The following HIVEP3 variants were observed in gnomAD, a reference collection of about 807,000 sequenced individuals.
HIVEP3 encodes HIVEP zinc finger 3.
In HIVEP3, 49 loss-of-function variants were observed where a neutral mutation model predicts 152.8. That is an observed-to-expected ratio of 0.32 (90% CI 0.26 to 0.41). The LOEUF is 0.41. Ranked by LOEUF, HIVEP3 falls within the 10% of genes least tolerant of loss-of-function variation. The pLI is 1.00. For missense variants in HIVEP3, 2,790 were observed against 3,103.3 expected (o/e 0.90, Z 2.40); for synonymous variants, 1,269 against 1,289.0 (o/e 0.98, Z 0.33).
chr1:41,942,399 T>C (rs7515635), intron 1 of HIVEP3, among the ~76,000 whole-genome samples: 71,153 of 152,066 alleles, frequency 0.47, 17,356 homozygotes, highest in East Asian at 0.71. Flanking sequence ...GGATGCAAAT[T>C]AGAACTACAC....
In HIVEP3 at chr1:41,583,792, C is replaced by T. The variant is rs138035647; in HGVS notation, c.1006G>A (p.Glu336Lys). The T allele has an allele frequency of 4.6e-4, 728 of 1,591,740 alleles. No individual in the cohort carries two copies. Among genetic ancestry groups the T allele is most frequent in the Non-Finnish European group, 5.6e-4 (658 of 1,168,406 alleles). The part of the protein sequence containing the change: ...LSQSSTAQSL[E>K]DPPPFVEPSS... Reference sequence around the variant, plus strand: ...GGTTCCACAAATGGAGGGGGGTCTTCGAGTGACTGGGCTGTGCTGGACTGG... The same window carrying T: ...GGTTCCACAAATGGAGGGGGGTCTTTGAGTGACTGGGCTGTGCTGGACTGG... Residue 336 changes from glutamate to lysine, a missense_variant, in exon 4 of 9, where the codon GAA becomes AAA. By Grantham distance (56) the Glu-to-Lys change is moderately conservative. Coordinates refer to ENST00000372583, the MANE Select transcript of HIVEP3 (RefSeq NM_024503.5). This position sits in a 1 kb window ranked among gnomAD's most constrained non-coding sequence, Gnocchi z 6.9.
intron 1 of HIVEP3, among the ~76,000 whole-genome samples, chr1:41,844,624 A>C (rs1396180354): frequency 6.6e-6 from 1 of 152,190 alleles, no homozygotes; most frequent in Non-Finnish European, 1.5e-5. Context: ...AGGCTGAATA[A>C]TGTGCTCAAT....
intron 1 of HIVEP3, among the ~76,000 whole-genome samples, chr1:41,755,498 T>C (rs554304054): frequency 4.5e-4 from 68 of 152,094 alleles, no homozygotes; most frequent in African/African-American, 1.6e-3. Context: ...TAAGACCCTG[T>C]TAAGAGAATG....
At chr1:42,008,966 G>T (rs185590205) in intron 1 of HIVEP3, among the ~76,000 whole-genome samples, 30 of 152,284 alleles carry the variant, frequency 2.0e-4, no homozygotes, top group Middle Eastern at 6.8e-3. Flanking sequence ...TGTTATTTCT[G>T]ACTGTGGTTC....
At chr1:41,605,223 GAAGA>G (rs1402087511) in intron 3 of HIVEP3, among the ~76,000 whole-genome samples, 1 of 151,010 alleles carries the variant, frequency 6.6e-6, no homozygotes, top group African/African-American at 2.4e-5. Context: ...GGAAAGGAAG[GAAGA>G]AAGAAAAGAA....
chr1:41,682,996 C>T (rs1646063832), intron 2 of HIVEP3, among the ~76,000 whole-genome samples: 1 of 152,166 alleles, frequency 6.6e-6, no homozygotes, highest in African/African-American at 2.4e-5. Flanking sequence ...TAAACTGGGT[C>T]TTAAATGAGA....
At chr1:41,832,048 G>C (rs1052170749) in intron 1 of HIVEP3, among the ~76,000 whole-genome samples, 1 of 152,166 alleles carries the variant, frequency 6.6e-6, no homozygotes, top group African/African-American at 2.4e-5. Flanking sequence ...TTAAAATTCA[G>C]ATTCTGAATC....
At chr1:41,623,545 G>C (rs962612170) in intron 3 of HIVEP3, among the ~76,000 whole-genome samples, 5 of 152,186 alleles carry the variant, frequency 3.3e-5, no homozygotes, top group African/African-American at 1.2e-4. Flanking sequence ...ATCCCCTTGA[G>C]GCTTCTCTAG....
intron 3 of HIVEP3, among the ~76,000 whole-genome samples, chr1:41,586,984 A>G (rs1168143644): frequency 6.6e-6 from 1 of 152,140 alleles, no homozygotes; most frequent in Non-Finnish European, 1.5e-5. Flanking sequence ...TGCTATACCA[A>G]TAATAAGGAC....
chr1:41,545,261 CACT>C (rs1252829523), intron 5 of HIVEP3, among the ~76,000 whole-genome samples: 2 of 144,830 alleles, frequency 1.4e-5, no homozygotes. Flanking sequence ...CCACTACCAC[CACT>C]ACCACCACCA....
chr1:41,996,383 C>G (rs1645395919), intron 1 of HIVEP3, among the ~76,000 whole-genome samples: 1 of 125,166 alleles, frequency 8.0e-6, no homozygotes. Context: ...GAGCAAGAAC[C>G]TATCTCAAAA....
chr1:41,721,807 A>G (rs710243), intron 1 of HIVEP3, among the ~76,000 whole-genome samples: 78,323 of 152,052 alleles, frequency 0.52, 23,028 homozygotes, highest in African/African-American at 0.8. Context: ...CCAGGCAGGC[A>G]GCTCCAGAAT....
chr1:41,705,182 G>A (rs1049832715), intron 1 of HIVEP3, among the ~76,000 whole-genome samples: 9 of 152,194 alleles, frequency 5.9e-5, no homozygotes, highest in African/African-American at 2.2e-4. Context: ...GCTCACTCAC[G>A]GAGCCTGGAT....
intron 1 of HIVEP3, among the ~76,000 whole-genome samples, chr1:41,888,492 A>AG (rs935566903): frequency 3.3e-5 from 5 of 151,870 alleles, no homozygotes; most frequent in Non-Finnish European, 5.9e-5. Flanking sequence ...GAGAGAAGAG[A>AG]GGGACAGCCC....
chr1:41,615,635 T>C (rs768854766), intron 3 of HIVEP3, among the ~76,000 whole-genome samples: 1 of 152,092 alleles, frequency 6.6e-6, no homozygotes, highest in Non-Finnish European at 1.5e-5. Flanking sequence ...GAAAAGACTG[T>C]GGGCAGAGAG....
intron 1 of HIVEP3, among the ~76,000 whole-genome samples, chr1:41,792,835 A>C (rs1649777840): frequency 6.6e-6 from 1 of 152,250 alleles, no homozygotes; most frequent in Non-Finnish European, 1.5e-5. Flanking sequence ...CCAGAACCAT[A>C]GCCAGAAATG....
intron 1 of HIVEP3, among the ~76,000 whole-genome samples, chr1:41,983,582 C>T (rs1645306043): frequency 6.6e-6 from 1 of 151,986 alleles, no homozygotes; most frequent in African/African-American, 2.4e-5. Flanking sequence ...AATAAAGGTG[C>T]AGCTGGGTGG....
chr1:41,566,957 T>C (rs924543704), intron 5 of HIVEP3, among the ~76,000 whole-genome samples: 1 of 152,130 alleles, frequency 6.6e-6, no homozygotes, highest in African/African-American at 2.4e-5. Context: ...ATTGCATCTA[T>C]ACACTGACAA....
At chr1:41,877,596 A>G (rs1644191375) in intron 1 of HIVEP3, among the ~76,000 whole-genome samples, 3 of 152,192 alleles carry the variant, frequency 2.0e-5, no homozygotes, top group African/African-American at 7.2e-5. Flanking sequence ...ACACCCCCCA[A>G]CAATATCTCA....
Sources: allele counts gnomAD v4.1 joint callset (sites outside exome capture counted in the v4.1 genomes callset), GRCh38; gene constraint gnomAD v4.1.1; non-coding constraint Gnocchi (gnomAD v3.1); transcripts MANE v1.5; gene names NCBI Gene and HGNC (gene_info 2026-07-23, HGNC 2026-07-21).